Variants in MTUS2 observed in about 807,000 individuals in gnomAD.
MTUS2 encodes the protein microtubule-associated tumor suppressor candidate 2.
Under a neutral mutation model 114.1 loss-of-function variants are expected in MTUS2, and 40 were observed. The observed-to-expected ratio is 0.35, with a 90% CI of 0.27 to 0.46. MTUS2 has a LOEUF of 0.46. Ranked by LOEUF, MTUS2 falls within the 20% of genes least tolerant of loss-of-function variation. The pLI is 1.00. For missense variants in MTUS2, 1,679 were observed against 1,705.4 expected (o/e 0.98, Z 0.27); for synonymous variants, 688 against 672.0 (o/e 1.02, Z -0.37).
chr13:29,003,856 C>T (rs1885488243), intron 2 of MTUS2, among the ~76,000 whole-genome samples: 1 of 152,212 alleles, frequency 6.6e-6, no homozygotes, highest in African/African-American at 2.4e-5. Flanking sequence ...TTCTGCCACT[C>T]TTTGTTGCAG....
chr13:29,468,233 T>G (rs948392115), intron 9 of MTUS2, among the ~76,000 whole-genome samples: 19 of 152,138 alleles, frequency 1.2e-4, no homozygotes, highest in Admixed American at 2.6e-4. Context: ...ATTTCTTTGT[T>G]TCCTTTCTTC....
chr13:29,292,570 C>T (rs1314610322), intron 6 of MTUS2, among the ~76,000 whole-genome samples: 1 of 151,856 alleles, frequency 6.6e-6, no homozygotes, highest in Non-Finnish European at 1.5e-5. Context: ...ATCTGGACTC[C>T]AGTTAATTCT....
At chr13:28,906,143 G>C (rs9508187) in intron 2 of MTUS2, among the ~76,000 whole-genome samples, 136,295 of 151,236 alleles carry the variant, frequency 0.9, 62,017 homozygotes, top group Middle Eastern at 0.95. Context: ...ATTCTTCTCT[G>C]TTTTCTTCTT....
At chr13:29,428,761 C>G (rs887225468) in intron 8 of MTUS2, 4 of 1,603,022 alleles carry the variant, frequency 2.5e-6, no homozygotes, top group African/African-American at 1.3e-5. Flanking sequence ...GCGCCCCTTT[C>G]GTGTGTGCCG....
intron 9 of MTUS2, among the ~76,000 whole-genome samples, chr13:29,450,863 G>C (rs556999780): frequency 1.3e-5 from 2 of 152,216 alleles, no homozygotes; most frequent in East Asian, 3.9e-4. Context: ...ATTACATAAT[G>C]AAAAAGAGGT....
intron 4 of MTUS2, among the ~76,000 whole-genome samples, chr13:29,046,513 G>A (rs1206547619): frequency 6.6e-5 from 10 of 152,104 alleles, no homozygotes; most frequent in East Asian, 3.9e-4. Flanking sequence ...TTGTTCCTTC[G>A]TTTACTTCTT....
chr13:28,995,637 T>C (rs1885066453), intron 2 of MTUS2, among the ~76,000 whole-genome samples: 1 of 152,180 alleles, frequency 6.6e-6, no homozygotes, highest in Non-Finnish European at 1.5e-5. Flanking sequence ...GTTGGATTCC[T>C]AGGTATTTTA....
intron 5 of MTUS2, among the ~76,000 whole-genome samples, chr13:29,192,600 T>G (rs192697166): frequency 1.3e-5 from 2 of 152,308 alleles, no homozygotes; most frequent in East Asian, 3.9e-4. Context: ...ATATGCTAAT[T>G]ACCCTAATAT....
chr13:29,234,225 A>G (rs7999907), intron 5 of MTUS2, among the ~76,000 whole-genome samples: 125,383 of 152,118 alleles, frequency 0.82, 51,714 homozygotes, highest in East Asian at 0.89. Flanking sequence ...CACCTACTAT[A>G]TTCTGTGCAG....
At chr13:29,053,345 C>G (rs1188159578) in intron 4 of MTUS2, among the ~76,000 whole-genome samples, 1 of 152,032 alleles carries the variant, frequency 6.6e-6, no homozygotes, top group Non-Finnish European at 1.5e-5. Context: ...GTAGTAGTAC[C>G]CAAGTGGAGA....
chr13:29,454,170 A>C (rs1878944174), intron 9 of MTUS2, among the ~76,000 whole-genome samples: 1 of 152,244 alleles, frequency 6.6e-6, no homozygotes. Context: ...TAAAGACCTA[A>C]GTAGGTGACT....
In MTUS2 at chr13:29,019,840, C is replaced by T. The variant is rs144801393; in HGVS notation, c.-242-4617C>T. On this transcript the variant is annotated intron_variant, in intron 2 of 15. Coordinates refer to ENST00000612955, the MANE Select transcript of MTUS2 (RefSeq NM_001033602.4). Reference sequence around the variant, plus strand: ...GGACTTCAGGTTCCCTGGTGCTACACGGTGTACTTAGAGGAAAGCTGTTTG... The same window carrying T: ...GGACTTCAGGTTCCCTGGTGCTACATGGTGTACTTAGAGGAAAGCTGTTTG... Among the ~76,000 whole-genome samples, 55 of 152,320 alleles carry T rather than the reference C, an allele frequency of 3.6e-4. No homozygotes were observed. In the East Asian group the frequency reaches 9.6e-3, roughly 27 times the overall value.
intron 8 of MTUS2, among the ~76,000 whole-genome samples, chr13:29,382,427 G>C (rs1872283897): frequency 1.3e-5 from 2 of 152,174 alleles, no homozygotes; most frequent in Admixed American, 6.5e-5. Flanking sequence ...TGGTGGAAGA[G>C]ATAATTGGGA....
intron 2 of MTUS2, among the ~76,000 whole-genome samples, chr13:28,967,877 T>C (rs1322840025): frequency 6.6e-6 from 1 of 152,216 alleles, no homozygotes; most frequent in East Asian, 1.9e-4. Context: ...CTGTGTGTTA[T>C]AAATATCACA....
At chr13:28,842,049 G>A (rs1265794967) in intron 2 of MTUS2, among the ~76,000 whole-genome samples, 3 of 152,142 alleles carry the variant, frequency 2.0e-5, no homozygotes, top group African/African-American at 4.8e-5. Flanking sequence ...GTGTATGGTG[G>A]AGGATTTGAT....
intron 5 of MTUS2, among the ~76,000 whole-genome samples, chr13:29,136,366 G>A (rs764695991): frequency 2.0e-5 from 3 of 152,220 alleles, no homozygotes; most frequent in Non-Finnish European, 2.9e-5. Context: ...TCTCCTGAGC[G>A]ATAAGAGGGT....
chr13:29,156,382 A>G (rs556105509), intron 5 of MTUS2, among the ~76,000 whole-genome samples: 3 of 152,148 alleles, frequency 2.0e-5, no homozygotes, highest in East Asian at 3.9e-4. Flanking sequence ...AGCTTTATCT[A>G]TATTGGTTTT....
At chr13:29,272,534 AATAAAT>A (rs369581642) in intron 5 of MTUS2, among the ~76,000 whole-genome samples, 187 of 152,284 alleles carry the variant, frequency 1.2e-3, no homozygotes, top group African/African-American at 4.3e-3. Flanking sequence ...TGGTATTCCT[AATAAAT>A]GAAGTAGTGA....
At chr13:29,064,195 A>G (rs1027184363) in intron 4 of MTUS2, among the ~76,000 whole-genome samples, 1 of 152,178 alleles carries the variant, frequency 6.6e-6, no homozygotes, top group African/African-American at 2.4e-5. Flanking sequence ...AATTTATTAG[A>G]TGGACTAAGT....
Sources: allele counts gnomAD v4.1 joint callset (sites outside exome capture counted in the v4.1 genomes callset), GRCh38; gene constraint gnomAD v4.1.1; transcripts MANE v1.5; gene names NCBI Gene and HGNC (gene_info 2026-07-23, HGNC 2026-07-21).